THEMIS: variants seen among roughly 807,000 people sequenced by gnomAD.
THEMIS encodes protein THEMIS.
In THEMIS, 37 loss-of-function variants were observed where a neutral mutation model predicts 52.6. The ratio of observed to expected loss-of-function variants is 0.70; its 90% confidence interval spans 0.54 to 0.93. THEMIS has a LOEUF of 0.93. Ranked by LOEUF, THEMIS falls within the 40% of genes least tolerant of loss-of-function variation. The pLI is 0.00. For synonymous variants in THEMIS, 292 were observed against 272.7 expected, an observed-to-expected ratio of 1.07 and a Z score of -0.70; for missense variants, 808 against 763.1, an observed-to-expected ratio of 1.06 and a Z score of -0.69.
At chr6:127,882,244 G>A (rs1435180063) in intron 1 of THEMIS, among the ~76,000 whole-genome samples, 4 of 151,628 alleles carry the variant, frequency 2.6e-5, no homozygotes, top group Admixed American at 6.6e-5. Flanking sequence ...TGTTACATGA[G>A]ATATTCAACA....
intron 4 of THEMIS, among the ~76,000 whole-genome samples, chr6:127,781,832 C>A (rs1276641307): frequency 6.6e-6 from 1 of 152,160 alleles, no homozygotes; most frequent in African/African-American, 2.4e-5. Context: ...TGTCTGTCGA[C>A]CCCTCCCAGG....
At chr6:127,744,578 A>G (rs1374084874) in intron 4 of THEMIS, among the ~76,000 whole-genome samples, 2 of 152,084 alleles carry the variant, frequency 1.3e-5, no homozygotes, top group Non-Finnish European at 2.9e-5. Context: ...AGTCAGTCAC[A>G]GAAGGACAAA....
intron 2 of THEMIS, among the ~76,000 whole-genome samples, chr6:127,851,303 T>C (rs1296795673): frequency 6.6e-6 from 1 of 151,618 alleles, no homozygotes; most frequent in African/African-American, 2.4e-5. Context: ...CTTAATACAC[T>C]TCAAGTAGAC....
intron 4 of THEMIS, among the ~76,000 whole-genome samples, chr6:127,809,096 G>T (rs1777815657): frequency 6.6e-6 from 1 of 152,178 alleles, no homozygotes; most frequent in Admixed American, 6.5e-5. Flanking sequence ...TCTTCTCTGT[G>T]CATGTAAAAC....
intron 5 of THEMIS, among the ~76,000 whole-genome samples, chr6:127,719,016 C>T (rs1332530034): frequency 6.6e-6 from 1 of 151,910 alleles, no homozygotes; most frequent in Non-Finnish European, 1.5e-5. Flanking sequence ...AGAATAATTA[C>T]AGTTTCAATT....
chr6:127,813,307 G>T lies in THEMIS; in HGVS notation c.1334C>A (p.Pro445Gln). The change falls in exon 4 of 6, where the codon CCG becomes CAG. Residue 445 changes from proline to glutamine, a missense_variant. Coordinates refer to ENST00000368248, the MANE Select transcript of THEMIS (RefSeq NM_001010923.3). ...VEVIHDKKQY[P>Q]ISELCKQFRL... ...GAACTGTTTACAGAGCTCAGAAATCGGGTACTGTTTCTTATCATGAATCAC... is the reference window on the plus strand; with the variant it reads ...GAACTGTTTACAGAGCTCAGAAATCTGGTACTGTTTCTTATCATGAATCAC... The T allele has an allele frequency of 6.2e-7, 1 of 1,614,108 alleles. No individual in the cohort carries two copies. The highest frequency in any genetic ancestry group is 8.5e-7 in the Non-Finnish European group (1 of 1,180,006).
chr6:127,779,370 G>A (rs1053160102), intron 4 of THEMIS, among the ~76,000 whole-genome samples: 6 of 152,052 alleles, frequency 3.9e-5, no homozygotes, highest in African/African-American at 1.4e-4. Flanking sequence ...TTGAATTTAT[G>A]CATTATTTTC....
intron 1 of THEMIS, among the ~76,000 whole-genome samples, chr6:127,872,518 C>T (rs966329004): frequency 2.7e-4 from 41 of 151,884 alleles, no homozygotes; most frequent in African/African-American, 9.7e-4. Context: ...GCCGAGATTG[C>T]GCCACTGCAC....
chr6:127,906,026 A>G (rs1239637269), upstream of THEMIS, among the ~76,000 whole-genome samples: 1 of 146,028 alleles, frequency 6.8e-6, no homozygotes, highest in Non-Finnish European at 1.5e-5. Flanking sequence ...TAAATAATTT[A>G]AATGAAATAA....
chr6:127,837,018 T>C (rs1187637430), intron 2 of THEMIS, among the ~76,000 whole-genome samples: 1 of 152,160 alleles, frequency 6.6e-6, no homozygotes, highest in Non-Finnish European at 1.5e-5. Flanking sequence ...CATTTGGAGC[T>C]GCTATTGTTG....
chr6:127,787,624 T>C (rs923546601), intron 4 of THEMIS, among the ~76,000 whole-genome samples: 20 of 152,158 alleles, frequency 1.3e-4, no homozygotes, highest in African/African-American at 4.8e-4. Flanking sequence ...GAATGTATCA[T>C]AGAGAACACA....
intron 2 of THEMIS, among the ~76,000 whole-genome samples, chr6:127,854,034 C>T (rs1032373599): frequency 1.3e-5 from 2 of 151,714 alleles, no homozygotes; most frequent in Non-Finnish European, 3.0e-5. Flanking sequence ...TTTTTCTCTT[C>T]CACTGGTCAT....
At chr6:127,872,902 A>C (rs1244141790) in intron 1 of THEMIS, among the ~76,000 whole-genome samples, 1 of 152,210 alleles carries the variant, frequency 6.6e-6, no homozygotes, top group Admixed American at 6.5e-5. Context: ...AGGAATCTAA[A>C]AAAACAAAAC....
chr6:127,815,151 CA>C (rs1778082606), intron 3 of THEMIS, among the ~76,000 whole-genome samples: 1 of 150,280 alleles, frequency 6.7e-6, no homozygotes, highest in Non-Finnish European at 1.5e-5. Flanking sequence ...GACCCTGTCT[CA>C]AAACATAAAA....
At chr6:127,899,900 ATT>A (rs998918714) in intron 1 of THEMIS, among the ~76,000 whole-genome samples, 2 of 99,508 alleles carry the variant, frequency 2.0e-5, no homozygotes, top group African/African-American at 8.4e-5. Flanking sequence ...GTGTGTGTAT[ATT>A]TTATATATAT....
At chr6:127,807,285 G>A (rs761510936) in intron 4 of THEMIS, 7 of 220,148 alleles carry the variant, frequency 3.2e-5, no homozygotes, top group South Asian at 1.7e-4. Flanking sequence ...GCTTGAACCC[G>A]GGAGGCAGAG....
At chr6:127,899,990 C>T (rs1035529047) in intron 1 of THEMIS, among the ~76,000 whole-genome samples, 2 of 149,968 alleles carry the variant, frequency 1.3e-5, no homozygotes, top group Non-Finnish European at 3.0e-5. Context: ...ATATGTAATA[C>T]ATTATTTTGT....
chr6:127,908,745 A>C (rs1781338600), intron 1 of THEMIS, among the ~76,000 whole-genome samples: 1 of 152,118 alleles, frequency 6.6e-6, no homozygotes, highest in African/African-American at 2.4e-5. Flanking sequence ...ATTTGTGAAA[A>C]GCTTAACTGC....
intron 4 of THEMIS, among the ~76,000 whole-genome samples, chr6:127,792,039 C>A (rs1481227765): frequency 6.6e-6 from 1 of 152,160 alleles, no homozygotes; most frequent in East Asian, 1.9e-4. Flanking sequence ...CCTGGGAGGG[C>A]AGGGCTCCAG....
Sources: gnomAD v4.1 joint callset for allele counts (sites outside exome capture counted in the v4.1 genomes callset) on GRCh38, gnomAD v4.1.1 for gene constraint, MANE v1.5 for transcripts, NCBI Gene and HGNC (gene_info 2026-07-23, HGNC 2026-07-21) for gene names.